Variants in XKR7 observed in about 807,000 individuals in gnomAD.
XKR7 encodes XK related 7, also known as XK-related protein 7.
A neutral mutation model predicts 42.2 loss-of-function variants in XKR7; 11 were observed. The observed-to-expected ratio is 0.26, with a 90% CI of 0.16 to 0.43. The LOEUF (loss-of-function observed/expected upper bound fraction) is 0.43. Ranked by LOEUF, XKR7 falls within the 20% of genes least tolerant of loss-of-function variation. XKR7 has a pLI of 1.00. For synonymous variants in XKR7, 346 were observed against 366.4 expected, an observed-to-expected ratio of 0.94 and a Z score of 0.64; for missense variants, 710 against 802.2, an observed-to-expected ratio of 0.89 and a Z score of 1.39.
chr20:31,980,865 C>G (rs948699201), intron 1 of XKR7, among the ~76,000 whole-genome samples: 12 of 151,738 alleles, frequency 7.9e-5, no homozygotes, highest in Admixed American at 2.0e-4. Flanking sequence ...AGTTCGAGAC[C>G]AGCCTGGGCA....
At chr20:31,980,146 A>AT (rs1158540600) in intron 1 of XKR7, among the ~76,000 whole-genome samples, 3 of 151,766 alleles carry the variant, frequency 2.0e-5, no homozygotes, top group African/African-American at 7.3e-5. Context: ...AAAAAAAAAA[A>AT]AAAAAGAGGT....
At position 31,973,831 on chromosome 20, in the gene XKR7, A is replaced by C. The variant is rs576530267; in HGVS notation, c.584+5072A>C. 5.3e-5 allele frequency among the ~76,000 whole-genome samples: 8 copies of C among 152,230 alleles called. No individual in the cohort carries two copies. In the East Asian group the frequency reaches 1.5e-3, roughly 29 times the overall value. ...CTTCATGACACGGGGAGCCCAGGATAATTTGGCCAGAGAAGGAACATGATC... is the reference window on the plus strand; with the variant it reads ...CTTCATGACACGGGGAGCCCAGGATCATTTGGCCAGAGAAGGAACATGATC... On this transcript the variant is annotated intron_variant, in intron 1 of 2. Transcript: ENST00000562532.
rs1280407380 is a variant in XKR7 at position 31,968,353 on chromosome 20, G to A, written c.178G>A (p.Val60Met). The change falls in exon 1 of 3, where the codon GTG becomes ATG. Residue 60 changes from valine to methionine, a missense_variant. Val to Met is a conservative substitution (Grantham distance 21). This residue lies in a region of XKR7 where 708 missense variants were observed against 786.2 expected (regional missense o/e 0.90). Transcript: ENST00000562532. The surrounding 1 kb of genome is among the most constrained non-coding windows in gnomAD (Gnocchi z 4.5). The part of the protein sequence containing the change: ...PRYELRDCCW[V>M]LCALLVFFSD... The stretch of plus-strand genomic sequence containing the variant: ...CTACGAGCTGCGGGACTGCTGCTGG[G>A]TGCTGTGCGCGCTGCTCGTGTTCTT... 1.9e-6 allele frequency: 3 copies of A among 1,607,242 alleles called. No individual in the cohort carries two copies. The highest frequency in any genetic ancestry group is 2.5e-6 in the Non-Finnish European group (3 of 1,178,768).
chr20:31,998,251 AG>A lies in XKR7; in HGVS notation c.*796del, dbSNP rs1460739475. The stretch of plus-strand genomic sequence containing the variant: ...CACACACCTCAGGTGAAATGTTTGA[AG>A]GAGCCATTTTTTGTTCTAGATGTGC... On this transcript the variant is annotated 3_prime_UTR_variant, in exon 3 of 3. Coordinates refer to ENST00000562532, the MANE Select transcript of XKR7 (RefSeq NM_001011718.2). The A allele has an allele frequency of 1.3e-5, 2 of 152,158 alleles. No individual in the cohort carries two copies. Among genetic ancestry groups the A allele is most frequent in the African/African-American group, 2.4e-5 (1 of 41,422 alleles). The allele number at this position is 152,158 out of a possible 1,614,324, so 9.4% of individuals were successfully genotyped here.
At chr20:31,972,927 G>C (rs1406608721) in intron 1 of XKR7, among the ~76,000 whole-genome samples, 1 of 152,184 alleles carries the variant, frequency 6.6e-6, no homozygotes, top group Non-Finnish European at 1.5e-5. Flanking sequence ...TTGGCATAAC[G>C]GTTGAGAGGG....
At chr20:31,978,552 C>A (rs1406063915) in intron 1 of XKR7, among the ~76,000 whole-genome samples, 2 of 152,222 alleles carry the variant, frequency 1.3e-5, no homozygotes. Context: ...AGGGCAGCAC[C>A]ATCCAGTAGA....
At chr20:31,978,557 A>G (rs1430013372) in intron 1 of XKR7, among the ~76,000 whole-genome samples, 1 of 152,250 alleles carries the variant, frequency 6.6e-6, no homozygotes, top group East Asian at 1.9e-4. Context: ...AGCACCATCC[A>G]GTAGAACTTT....
At position 31,968,552 on chromosome 20, in the gene XKR7, C is replaced by T. The variant is rs145152772; in HGVS notation, c.377C>T (p.Ala126Val). The T allele has an allele frequency of 4.3e-5, 69 of 1,610,478 alleles. No homozygotes were observed. The African/African-American group carries it at 8.7e-4, about 20-fold the overall frequency. ...YSEPAGSPGP[A>V]VSTKDSVAGG... ...GAGCCCGCAGGGTCCCCGGGACCCG[C>T]CGTCAGCACCAAGGACAGCGTAGCC... Residue 126 changes from alanine (A) to valine (V), a missense_variant, in exon 1 of 3, where the codon GCC becomes GTC. Physicochemically the swap from Ala to Val is moderately conservative, Grantham distance 64. This residue lies in a region of XKR7 where 708 missense variants were observed against 786.2 expected (regional missense o/e 0.90). Coordinates refer to ENST00000562532, the MANE Select transcript of XKR7 (RefSeq NM_001011718.2). The surrounding 1 kb of genome is among the most constrained non-coding windows in gnomAD (Gnocchi z 4.5).
chr20:31,968,398 C>A lies in XKR7; in HGVS notation c.223C>A (p.Leu75Met). 5.0e-6 allele frequency: 8 copies of A among 1,613,620 alleles called. No homozygotes were observed. The highest frequency in any genetic ancestry group is 2.2e-5 in the East Asian group (1 of 44,860). The change falls in exon 1 of 3, where the codon CTG becomes ATG. Residue 75 changes from leucine to methionine, a missense_variant. Physicochemically the swap from Leu to Met is conservative, Grantham distance 15. This residue lies in a region of XKR7 where 708 missense variants were observed against 786.2 expected (regional missense o/e 0.90). Coordinates refer to ENST00000562532, the MANE Select transcript of XKR7 (RefSeq NM_001011718.2). The surrounding 1 kb of genome is among the most constrained non-coding windows in gnomAD (Gnocchi z 4.5). ...LVFFSDGATDLWLAASYYLQN... is the reference protein window; with the variant it reads ...LVFFSDGATDMWLAASYYLQN... ...GTTCTTCTCCGACGGTGCCACGGAC[C>A]TGTGGCTGGCGGCCTCCTACTACCT...
At chr20:31,976,222 T>C (rs574047779) in intron 1 of XKR7, among the ~76,000 whole-genome samples, 4 of 152,118 alleles carry the variant, frequency 2.6e-5, no homozygotes, top group Non-Finnish European at 5.9e-5. Context: ...TTCCAATTCA[T>C]AAGGAGCAAA....
rs145232077 is a variant in XKR7 at position 31,989,762 on chromosome 20, C to T, written c.585-5306C>T. On this transcript the variant is annotated intron_variant, in intron 1 of 2. Transcript: ENST00000562532. ...CTGAGTAGCTGGGACTACAGGCACA[C>T]GCCACCACATCGGCCAATTTTTAAA... Among the ~76,000 whole-genome samples, 872 of 152,264 alleles carry T rather than the reference C, an allele frequency of 5.7e-3. 4 individuals are homozygous for T. Among genetic ancestry groups the T allele is most frequent in the Non-Finnish European group, 9.5e-3 (648 of 68,020 alleles).
chr20:31,993,771 T>C (rs892146485), intron 1 of XKR7, among the ~76,000 whole-genome samples: 7 of 152,162 alleles, frequency 4.6e-5, no homozygotes, highest in African/African-American at 1.7e-4. Flanking sequence ...AAGTGCTAGC[T>C]AGATTAGACG....
At chr20:31,990,760 C>T (rs2064566832) in intron 1 of XKR7, among the ~76,000 whole-genome samples, 1 of 151,104 alleles carries the variant, frequency 6.6e-6, no homozygotes, top group Middle Eastern at 3.4e-3. Flanking sequence ...GTAGTTTTTC[C>T]CTGTGTTTTG....
intron 1 of XKR7, among the ~76,000 whole-genome samples, chr20:31,991,442 C>T (rs2122276095): frequency 6.6e-6 from 1 of 152,174 alleles, no homozygotes; most frequent in Middle Eastern, 3.4e-3. Flanking sequence ...TCTCTCTCTG[C>T]CCTTCCTGTA....
Position 31,996,887 on chromosome 20 carries a change from C to G in XKR7, c.1170C>G (p.Ile390Met). The G allele has an allele frequency of 1.2e-6, 2 of 1,613,906 alleles. No individual in the cohort carries two copies. Among genetic ancestry groups the G allele is most frequent in the Non-Finnish European group, 1.7e-6 (2 of 1,180,026 alleles). The change falls in exon 3 of 3, where the codon ATC becomes ATG. Residue 390 changes from isoleucine to methionine, a missense_variant. This residue lies in a region of XKR7 where 708 missense variants were observed against 786.2 expected (regional missense o/e 0.90). Transcript: ENST00000562532. ...SRRRMTLYHC[I>M]VLLENAALTG... ...GCCGCATGACCCTCTACCACTGCAT[C>G]GTCCTGCTGGAGAACGCCGCGCTCA... is the stretch of plus-strand genomic sequence containing the variant.
chr20:31,982,513 CTG>C (rs1210772773), intron 1 of XKR7, among the ~76,000 whole-genome samples: 3 of 137,528 alleles, frequency 2.2e-5, no homozygotes, highest in Non-Finnish European at 4.5e-5. Flanking sequence ...CAGAGAGACT[CTG>C]TCTCAAAAAA....
chr20:31,997,188 G>C lies in XKR7; in HGVS notation c.1471G>C (p.Glu491Gln). Residue 491 changes from glutamate to glutamine, a missense_variant, in exon 3 of 3, where the codon GAG becomes CAG. Physicochemically the swap from Glu to Gln is conservative, Grantham distance 29. This residue lies in a region of XKR7 where 708 missense variants were observed against 786.2 expected (regional missense o/e 0.90). Coordinates refer to ENST00000562532, the MANE Select transcript of XKR7 (RefSeq NM_001011718.2). ...GAERDGASAG[E>Q]RAGTPTPPVF... ...TGAGCGGGATGGGGCCTCGGCGGGAGAGCGTGCAGGGACCCCCACCCCACC... is the reference window on the plus strand; with the variant it reads ...TGAGCGGGATGGGGCCTCGGCGGGACAGCGTGCAGGGACCCCCACCCCACC... The C allele has an allele frequency of 6.2e-7, 1 of 1,610,054 alleles. No homozygotes were observed. Among genetic ancestry groups the C allele is most frequent in the Non-Finnish European group, 8.5e-7 (1 of 1,179,948 alleles).
Position 31,996,768 on chromosome 20 carries a change from T to C in XKR7, c.1051T>C (p.Cys351Arg). 1 of 1,614,120 alleles carries C rather than the reference T, an allele frequency of 6.2e-7. No individual in the cohort carries two copies. The highest frequency in any genetic ancestry group is 8.5e-7 in the Non-Finnish European group (1 of 1,180,024). Residue 351 changes from cysteine to arginine, a missense_variant, in exon 3 of 3, where the codon TGC becomes CGC. Transcript: ENST00000562532. ...GGTCATCCAAGGGGAGACGGACTTC[T>C]GCATGTCCAAGTGGGAGGAGATCAT... is the stretch of plus-strand genomic sequence containing the variant. Reference protein sequence around the residue: ...FWVIQGETDFCMSKWEEIIYN... With the variant: ...FWVIQGETDFRMSKWEEIIYN...
Position 31,997,488 on chromosome 20 carries a change from C to G in XKR7, c.*31C>G. The G allele has an allele frequency of 1.3e-6, 2 of 1,546,610 alleles. No homozygotes were observed. Among genetic ancestry groups the G allele is most frequent in the South Asian group, 1.2e-5 (1 of 84,266 alleles). ...AGTGTCCCAGCACAAAAGGGACAGG[C>G]TTGGCTGATCCCACATCCGCCGCAG... is the stretch of plus-strand genomic sequence containing the variant. On this transcript the variant is annotated 3_prime_UTR_variant, in exon 3 of 3. Coordinates refer to ENST00000562532, the MANE Select transcript of XKR7 (RefSeq NM_001011718.2).
Sources: gnomAD v4.1 joint callset for allele counts (sites outside exome capture counted in the v4.1 genomes callset) on GRCh38, gnomAD v4.1.1 for gene constraint, gnomAD v4.1.1 regional missense constraint, Gnocchi (gnomAD v3.1) non-coding constraint, MANE v1.5 for transcripts, NCBI Gene and HGNC (gene_info 2026-07-23, HGNC 2026-07-21) for gene names.